The following PBX1 variants were observed in gnomAD, a reference collection of about 807,000 sequenced individuals.
The protein encoded by PBX1 is PBX homeobox 1.
PBX1 carries 6 observed loss-of-function variants against 53.4 expected under a neutral mutation model. The ratio of observed to expected loss-of-function variants is 0.11; its 90% CI spans 0.06 to 0.22. PBX1 has a LOEUF of 0.22. Ranked by LOEUF, PBX1 falls within the 10% of genes least tolerant of loss-of-function variation. The pLI, the probability that PBX1 is intolerant of heterozygous loss-of-function variation, is 1.00. For synonymous variants in PBX1, 204 were observed against 212.3 expected, an observed-to-expected ratio of 0.96 and a Z score of 0.34; for missense variants, 251 against 551.4, an observed-to-expected ratio of 0.46 and a Z score of 5.46.
intron 2 of PBX1, among the ~76,000 whole-genome samples, chr1:164,603,203 G>A (rs1249989987): frequency 6.6e-6 from 1 of 151,828 alleles, no homozygotes; most frequent in African/African-American, 2.4e-5. Context: ...GGGCCAAAAG[G>A]GTGCATTTTA....
At chr1:164,786,720 T>TGTGTGTGTGTGTGCGCGCGC (rs1357886882) in intron 2 of PBX1, among the ~76,000 whole-genome samples, 3 of 116,256 alleles carry the variant, frequency 2.6e-5, no homozygotes, top group African/African-American at 1.0e-4. Context: ...TGTGTGTGTG[T>TGTGTGTGTGTGTGCGCGCGC]GCGCGCGCAC....
At chr1:164,602,979 A>T (rs1040577594) in intron 2 of PBX1, among the ~76,000 whole-genome samples, 2 of 152,034 alleles carry the variant, frequency 1.3e-5, no homozygotes, top group African/African-American at 4.8e-5. Context: ...TGAGTTCCTG[A>T]GTGTCGGGTT....
At chr1:164,794,204 CAG>C (rs1553247291) in intron 3 of PBX1, among the ~76,000 whole-genome samples, 1 of 152,020 alleles carries the variant, frequency 6.6e-6, no homozygotes, top group Non-Finnish European at 1.5e-5. Flanking sequence ...AAAAAGAAGA[CAG>C]AGAAAAAGTG....
At chr1:164,699,744 C>T (rs995114328) in intron 2 of PBX1, among the ~76,000 whole-genome samples, 8 of 152,128 alleles carry the variant, frequency 5.3e-5, no homozygotes, top group Non-Finnish European at 8.8e-5. Context: ...TTCTTCTTCT[C>T]GTTGCTCCCA....
At chr1:164,669,937 A>G (rs1224511026) in intron 2 of PBX1, among the ~76,000 whole-genome samples, 1 of 152,168 alleles carries the variant, frequency 6.6e-6, no homozygotes, top group African/African-American at 2.4e-5. Context: ...ATGAATTATC[A>G]TTGACCCTCA....
In PBX1 at chr1:164,848,790, T is replaced by G. The variant is rs1671692242; in HGVS notation, c.*2114T>G. ...TGAGAATGGGCAGCTAGCAAGAACATGGAAATTCTGCTTGGCACTACAGTC... is the reference window on the plus strand; with the variant it reads ...TGAGAATGGGCAGCTAGCAAGAACAGGGAAATTCTGCTTGGCACTACAGTC... On this transcript the variant is annotated 3_prime_UTR_variant, in exon 9 of 9. Transcript: ENST00000420696. 2 of 1,061,930 alleles carry G rather than the reference T, an allele frequency of 1.9e-6. No homozygotes were observed. The highest frequency in any genetic ancestry group is 3.3e-5 in the African/African-American group (2 of 60,854). 65.8% of individuals were successfully genotyped at this position (1,061,930 alleles called of 1,614,324 possible). A position where few individuals can be genotyped will look rare whatever the true frequency, so the allele number is the denominator to read the frequency against.
chr1:164,626,740 G>A (rs1030697553), intron 2 of PBX1, among the ~76,000 whole-genome samples: 8 of 152,198 alleles, frequency 5.3e-5, no homozygotes, highest in African/African-American at 1.4e-4. Flanking sequence ...TTAGTCAAAA[G>A]CTATTTCCTG....
At chr1:164,706,410 G>T (rs1663428195) in intron 2 of PBX1, among the ~76,000 whole-genome samples, 1 of 152,098 alleles carries the variant, frequency 6.6e-6, no homozygotes, top group Non-Finnish European at 1.5e-5. Context: ...GTCTGGCTAG[G>T]ATATCCATTG....
intron 2 of PBX1, among the ~76,000 whole-genome samples, chr1:164,730,959 T>C (rs1008359845): frequency 2.6e-5 from 4 of 152,256 alleles, no homozygotes; most frequent in Middle Eastern, 3.2e-3. Context: ...GCATGTGTTT[T>C]GTTGTTTAAT....
At chr1:164,846,144 G>C (rs1235922158) in intron 8 of PBX1, among the ~76,000 whole-genome samples, 1 of 151,992 alleles carries the variant, frequency 6.6e-6, no homozygotes, top group Non-Finnish European at 1.5e-5. Context: ...TCCAGAGTCA[G>C]AAAGAACCCT....
At chr1:164,624,558 AG>A (rs1440941065) in intron 2 of PBX1, among the ~76,000 whole-genome samples, 1 of 152,232 alleles carries the variant, frequency 6.6e-6, no homozygotes, top group Non-Finnish European at 1.5e-5. Flanking sequence ...GTTGTTAAAA[AG>A]GTTTAGTAAA....
chr1:164,733,058 T>C (rs922329704), intron 2 of PBX1, among the ~76,000 whole-genome samples: 1 of 152,232 alleles, frequency 6.6e-6, no homozygotes, highest in East Asian at 1.9e-4. Flanking sequence ...CTTCATGACT[T>C]CTCAGAAGCT....
intron 2 of PBX1, among the ~76,000 whole-genome samples, chr1:164,719,077 C>T (rs960945533): frequency 1.3e-5 from 2 of 152,058 alleles, no homozygotes; most frequent in Non-Finnish European, 2.9e-5. Context: ...GGCAATGACC[C>T]CGTCAGATCT....
chr1:164,780,156 G>A (rs905648262), intron 2 of PBX1, among the ~76,000 whole-genome samples: 3 of 152,030 alleles, frequency 2.0e-5, no homozygotes, highest in Middle Eastern at 3.2e-3. Context: ...ACAGAAAGAA[G>A]GAATGGTCCA....
chr1:164,691,426 C>T (rs149108148), intron 2 of PBX1, among the ~76,000 whole-genome samples: 53 of 152,272 alleles, frequency 3.5e-4, no homozygotes, highest in African/African-American at 1.3e-3. Flanking sequence ...TATGACATTT[C>T]CTTATGAGGA....
intron 2 of PBX1, among the ~76,000 whole-genome samples, chr1:164,693,029 G>T (rs763897793): frequency 1.3e-5 from 2 of 152,220 alleles, no homozygotes; most frequent in Non-Finnish European, 2.9e-5. Flanking sequence ...TGGCTATGTG[G>T]TTGGGACCTT....
chr1:164,623,013 C>A (rs1657789003), intron 2 of PBX1, among the ~76,000 whole-genome samples: 1 of 152,056 alleles, frequency 6.6e-6, no homozygotes, highest in South Asian at 2.1e-4. Context: ...CTGAGTTTTG[C>A]CGTGTTGGCC....
At position 164,884,115 on chromosome 1, in the gene PBX1, T is replaced by C. The variant is rs573016932; in HGVS notation, n.258-15073T>C. Among the ~76,000 whole-genome samples the C allele has an allele frequency of 5.3e-5, 8 of 152,318 alleles. No homozygotes were observed. The South Asian group carries it at 1.4e-3, about 28-fold the overall frequency. On this transcript the variant is annotated intron_variant and non_coding_transcript_variant, in intron 2 of 2. Coordinates refer to the PBX1 transcript ENST00000558796. ...AATATTACTAGGATCAGTTGCTTCATCTGTAAAACACGGGTAATAATAACT... is the reference window on the plus strand; with the variant it reads ...AATATTACTAGGATCAGTTGCTTCACCTGTAAAACACGGGTAATAATAACT...
intron 8 of PBX1, chr1:164,828,713 G>A (rs367756856): frequency 6.6e-6 from 1 of 151,806 alleles, no homozygotes; most frequent in Admixed American, 6.6e-5. Flanking sequence ...AAGTGGCATG[G>A]TCCCTCTAGA....
Sources: allele counts gnomAD v4.1 joint callset (sites outside exome capture counted in the v4.1 genomes callset), GRCh38; gene constraint gnomAD v4.1.1; transcripts MANE v1.5; gene names NCBI Gene and HGNC (gene_info 2026-07-23, HGNC 2026-07-21).